SPAG16: variants seen among roughly 807,000 people sequenced by gnomAD.
The protein encoded by SPAG16 is sperm-associated antigen 16 protein.
A neutral mutation model predicts 80.4 loss-of-function variants in SPAG16; 86 were observed. The observed-to-expected ratio is 1.07, with a 90% confidence interval of 0.90 to 1.28. SPAG16 has a LOEUF of 1.28. Ranked by LOEUF, SPAG16 falls within the 50% of genes most tolerant of loss-of-function variation. The pLI, the probability that SPAG16 is intolerant of heterozygous loss-of-function variation, is 0.00. For synonymous variants in SPAG16, 294 were observed against 265.9 expected, an observed-to-expected ratio of 1.11 and a Z score of -1.03; for missense variants, 870 against 765.3, an observed-to-expected ratio of 1.14 and a Z score of -1.61.
intron 10 of SPAG16, among the ~76,000 whole-genome samples, chr2:213,647,862 T>G (rs1347596359): frequency 6.6e-6 from 1 of 152,214 alleles, no homozygotes; most frequent in Non-Finnish European, 1.5e-5. Flanking sequence ...AAACGAGACT[T>G]GAAGGCTCAG....
In SPAG16 at chr2:213,285,337, C is replaced by T. The variant is rs530983442; in HGVS notation, c.136+718C>T. The stretch of plus-strand genomic sequence containing the variant: ...ATAACAATGTGTGGATAATTAGGTC[C>T]ACTATTTCTTGTGTAAGGCTTTAGA... On this transcript the variant is annotated intron_variant, in intron 1 of 15. Coordinates refer to ENST00000331683, the MANE Select transcript of SPAG16 (RefSeq NM_024532.5). 9.2e-5 allele frequency among the ~76,000 whole-genome samples: 14 copies of T among 152,230 alleles called. No individual in the cohort carries two copies. The East Asian group carries it at 2.7e-3, about 29-fold the overall frequency.
At chr2:214,073,587 G>A (rs2050919174) in intron 13 of SPAG16, among the ~76,000 whole-genome samples, 1 of 152,080 alleles carries the variant, frequency 6.6e-6, no homozygotes, top group South Asian at 2.1e-4. Context: ...TCTGTGCATT[G>A]GAAGAACTCA....
Position 214,406,796 on chromosome 2 carries a change from A to G in SPAG16, c.1721-3344A>G, listed in dbSNP as rs78492015. Among the ~76,000 whole-genome samples, 781 of 152,252 alleles carry G rather than the reference A, an allele frequency of 5.1e-3. 8 individuals carry two copies. Among genetic ancestry groups the G allele is most frequent in the African/African-American group, 0.017 (713 of 41,578 alleles). Reference sequence around the variant, plus strand: ...AACAGAGTGAAATGGACAGCAACATATGCTCCTCATTGAGTCCTATTGGTC... The same window carrying G: ...AACAGAGTGAAATGGACAGCAACATGTGCTCCTCATTGAGTCCTATTGGTC... On this transcript the variant is annotated intron_variant, in intron 15 of 15. Coordinates refer to ENST00000331683, the MANE Select transcript of SPAG16 (RefSeq NM_024532.5).
chr2:213,410,599 A>G (rs775288816), intron 9 of SPAG16, among the ~76,000 whole-genome samples: 23 of 152,222 alleles, frequency 1.5e-4, no homozygotes, highest in Non-Finnish European at 3.2e-4. Flanking sequence ...AAAACCCTAC[A>G]TTCATTTTAC....
At chr2:213,778,009 T>A (rs968665927) in intron 10 of SPAG16, among the ~76,000 whole-genome samples, 7 of 152,120 alleles carry the variant, frequency 4.6e-5, no homozygotes, top group Non-Finnish European at 1.0e-4. Context: ...ATAAATTTCT[T>A]AGGAAAGGTG....
rs546780129 is a variant in SPAG16, at chr2:213,508,059, T to G, written c.1070+17969T>G. Among the ~76,000 whole-genome samples, 21 of 152,298 alleles carry G rather than the reference T, an allele frequency of 1.4e-4. 1 individual carries two copies. Among genetic ancestry groups the G allele is most frequent in the African/African-American group, 4.3e-4 (18 of 41,570 alleles). On this transcript the variant is annotated intron_variant, in intron 10 of 15. Transcript: ENST00000331683. ...CTTTGCTGTGGTGATTCCTCAGGGA[T>G]CTAGAACTAGAAATACCATTTGACC... is the stretch of plus-strand genomic sequence containing the variant.
chr2:213,518,509 C>T (rs1271384518), intron 10 of SPAG16, among the ~76,000 whole-genome samples: 4 of 152,156 alleles, frequency 2.6e-5, no homozygotes, highest in Non-Finnish European at 5.9e-5. Context: ...CCCACCTCAA[C>T]CTCCTGAAGT....
chr2:213,978,882 C>T (rs890856349), intron 12 of SPAG16, among the ~76,000 whole-genome samples: 1 of 152,002 alleles, frequency 6.6e-6, no homozygotes, highest in East Asian at 1.9e-4. Context: ...GGGGTTAGTG[C>T]TTCAATTCAC....
intron 11 of SPAG16, among the ~76,000 whole-genome samples, chr2:213,870,653 A>G (rs947393389): frequency 2.6e-5 from 4 of 152,204 alleles, no homozygotes; most frequent in African/African-American, 9.7e-5. Flanking sequence ...GAGAAAATAT[A>G]TATAAAGCAT....
chr2:213,639,023 G>C (rs2062482373), intron 10 of SPAG16, among the ~76,000 whole-genome samples: 1 of 151,982 alleles, frequency 6.6e-6, no homozygotes, highest in South Asian at 2.1e-4. Flanking sequence ...TTTAACTGCT[G>C]TCACTTTAAA....
At chr2:214,142,442 A>G (rs2055410912) in intron 14 of SPAG16, among the ~76,000 whole-genome samples, 1 of 152,078 alleles carries the variant, frequency 6.6e-6, no homozygotes, top group African/African-American at 2.4e-5. Flanking sequence ...GTTATGGAAA[A>G]TTTTTGGTAG....
intron 9 of SPAG16, among the ~76,000 whole-genome samples, chr2:213,390,797 T>C (rs1227470655): frequency 6.6e-6 from 1 of 152,062 alleles, no homozygotes; most frequent in Non-Finnish European, 1.5e-5. Flanking sequence ...TTTTTAATCA[T>C]TTAATTTTAT....
intron 9 of SPAG16, among the ~76,000 whole-genome samples, chr2:213,405,205 G>C (rs972290064): frequency 1.3e-5 from 2 of 152,062 alleles, no homozygotes; most frequent in Admixed American, 1.3e-4. Flanking sequence ...CTTACATATT[G>C]CTGGAATTAA....
intron 5 of SPAG16, among the ~76,000 whole-genome samples, chr2:213,332,216 G>A (rs1027791812): frequency 2.0e-5 from 3 of 151,946 alleles, no homozygotes; most frequent in African/African-American, 4.8e-5. Flanking sequence ...ATTACAACTG[G>A]GATTGCAGAA....
chr2:213,628,942 T>G (rs1220730217), intron 10 of SPAG16, among the ~76,000 whole-genome samples: 1 of 152,102 alleles, frequency 6.6e-6, no homozygotes, highest in Non-Finnish European at 1.5e-5. Context: ...AAAATGAAGA[T>G]ATATATAGCA....
At chr2:213,501,024 T>G (rs2074719182) in intron 10 of SPAG16, among the ~76,000 whole-genome samples, 1 of 152,194 alleles carries the variant, frequency 6.6e-6, no homozygotes, top group Admixed American at 6.5e-5. Context: ...AGTACCTGTA[T>G]ATTTCTAATC....
In SPAG16 at chr2:213,456,045, G is replaced by T. The variant is rs559404528; in HGVS notation, c.943-33918G>T. Among the ~76,000 whole-genome samples, 6 of 152,254 alleles carry T rather than the reference G, an allele frequency of 3.9e-5. No homozygotes were observed. In the South Asian group the frequency reaches 1.2e-3, roughly 32 times the overall value. ...ATTTGAGTGAAGTTGCCTGCCTTTC[G>T]CCACACCTTGCCTCTCATGTTTTCT... On this transcript the variant is annotated intron_variant, in intron 9 of 15. Transcript: ENST00000331683.
chr2:213,440,338 A>G (rs1246820864), intron 9 of SPAG16, among the ~76,000 whole-genome samples: 1 of 152,124 alleles, frequency 6.6e-6, no homozygotes, highest in Non-Finnish European at 1.5e-5. Context: ...TCACGAGGTC[A>G]GGAGATTGAG....
rs374552686 is a variant in SPAG16, at chr2:213,813,312, T to C, written c.1071-49173T>C. On this transcript the variant is annotated intron_variant, in intron 10 of 15. Coordinates refer to ENST00000331683, the MANE Select transcript of SPAG16 (RefSeq NM_024532.5). The stretch of plus-strand genomic sequence containing the variant: ...AAAGAATAAACATTTTAATGAAATC[T>C]CAAAGGTCAAATGTAGGCTAGTGTA... Among the ~76,000 whole-genome samples, 3 of 152,048 alleles carry C rather than the reference T, an allele frequency of 2.0e-5. No homozygotes were observed. The East Asian group carries it at 5.8e-4, about 29-fold the overall frequency.
Sources: allele counts gnomAD v4.1 joint callset (sites outside exome capture counted in the v4.1 genomes callset), GRCh38; gene constraint gnomAD v4.1.1; transcripts MANE v1.5; gene names NCBI Gene and HGNC (gene_info 2026-07-23, HGNC 2026-07-21).